BCCIP: variants seen among roughly 807,000 people sequenced by gnomAD.
BCCIP encodes BRCA2 and CDKN1A-interacting protein.
BCCIP carries 23 observed loss-of-function variants against 32.8 expected under a neutral mutation model. The ratio of observed to expected loss-of-function variants is 0.70; its 90% CI spans 0.51 to 0.99. The LOEUF (loss-of-function observed/expected upper bound fraction) is 0.99, where lower values mean the gene tolerates loss of function less well. Among genes scored for constraint, BCCIP ranks in the 50% least tolerant of loss-of-function variants. The pLI, the probability that BCCIP is intolerant of heterozygous loss-of-function variation, is 0.00. For synonymous variants in BCCIP, 144 were observed against 137.6 expected (o/e 1.05, Z -0.33); for missense variants, 378 against 379.8 (o/e 1.00, Z 0.04).
intron 7 of BCCIP, among the ~76,000 whole-genome samples, chr10:125,851,683 C>A (rs1396334796): frequency 6.6e-6 from 1 of 152,056 alleles, no homozygotes; most frequent in African/African-American, 2.4e-5. Context: ...ATATTTTGAG[C>A]TGGTTATTCT....
chr10:125,846,360 C>T (rs1205179430), downstream of BCCIP, among the ~76,000 whole-genome samples: 2 of 152,132 alleles, frequency 1.3e-5, no homozygotes, highest in Admixed American at 6.5e-5. Context: ...AAAAAAAATG[C>T]ATGGGTTTTA....
chr10:125,843,611 CAAAA>C (rs879669432), downstream of BCCIP, among the ~76,000 whole-genome samples: 2 of 132,440 alleles, frequency 1.5e-5, no homozygotes, highest in Admixed American at 1.5e-4. Context: ...GACTCCGTCT[CAAAA>C]AAAAAAAAAC....
chr10:125,843,717 C>T (rs1047583158), downstream of BCCIP, among the ~76,000 whole-genome samples: 1 of 152,190 alleles, frequency 6.6e-6, no homozygotes, highest in African/African-American at 2.4e-5. Context: ...TGGGAAATGA[C>T]TCAGGGAAGC....
At chr10:125,824,052 G>C (rs1854276884) in intron 1 of BCCIP, among the ~76,000 whole-genome samples, 1 of 152,324 alleles carries the variant, frequency 6.6e-6, no homozygotes, top group African/African-American at 2.4e-5. Context: ...CGCAGAGGGG[G>C]CCCTCTCCCC....
chr10:125,834,036 C>A, intron 6 of BCCIP, 90 bp downstream of exon 6: 1 of 1,371,088 alleles, frequency 7.3e-7, no homozygotes, highest in Non-Finnish European at 1.0e-6. Flanking sequence ...ACTTTAGGTC[C>A]AAGTCTTTCA....
chr10:125,830,365 A>G (rs1211812190), intron 3 of BCCIP, among the ~76,000 whole-genome samples, 197 bp from the exon 4 acceptor site: 1 of 152,226 alleles, frequency 6.6e-6, no homozygotes, highest in Non-Finnish European at 1.5e-5. Context: ...AGTATTTAAG[A>G]TACAATGCTT....
chr10:125,825,474 C>T (rs1441614292), intron 1 of BCCIP: 2 of 152,220 alleles, frequency 1.3e-5, no homozygotes, highest in African/African-American at 4.8e-5. Flanking sequence ...CACCCGACCC[C>T]TTGTGTTTTG....
intron 5 of BCCIP, among the ~76,000 whole-genome samples, chr10:125,832,172 C>T (rs1369766878): frequency 1.3e-5 from 2 of 151,902 alleles, no homozygotes; most frequent in Non-Finnish European, 2.9e-5. Flanking sequence ...AAAATATAGG[C>T]AGATTCTCTT....
chr10:125,828,125 G>A (rs1361913648), intron 3 of BCCIP, among the ~76,000 whole-genome samples: 1 of 152,020 alleles, frequency 6.6e-6, no homozygotes, highest in African/African-American at 2.4e-5. Flanking sequence ...GGAGAGAAGT[G>A]GGCTCATTTA....
At chr10:125,837,980 T>C (rs906150472), downstream of BCCIP, among the ~76,000 whole-genome samples, 1 of 152,216 alleles carries the variant, frequency 6.6e-6, no homozygotes, top group African/African-American at 2.4e-5. Flanking sequence ...AGACACATGG[T>C]CTTTGTTTTT....
At chr10:125,847,750 T>C (rs1564824829), downstream of BCCIP, among the ~76,000 whole-genome samples, 1 of 152,138 alleles carries the variant, frequency 6.6e-6, no homozygotes, top group Non-Finnish European at 1.5e-5. Context: ...TTCCTGTAAC[T>C]AGACGGTCCC....
At chr10:125,840,416 T>A (rs1262038067), downstream of BCCIP, among the ~76,000 whole-genome samples, 1 of 152,234 alleles carries the variant, frequency 6.6e-6, no homozygotes, top group African/African-American at 2.4e-5. Flanking sequence ...TCTGCACTAG[T>A]ATCTGGAGCT....
intron 5 of BCCIP, among the ~76,000 whole-genome samples, chr10:125,832,729 G>C (rs1257615480): frequency 1.3e-5 from 2 of 151,978 alleles, no homozygotes; most frequent in African/African-American, 4.8e-5. Flanking sequence ...AGGAGTTCCA[G>C]GCTGCAATAT....
At chr10:125,848,321 C>T (rs948432306) in intron 7 of BCCIP, among the ~76,000 whole-genome samples, 1 of 152,148 alleles carries the variant, frequency 6.6e-6, no homozygotes, top group Non-Finnish European at 1.5e-5. Context: ...CTGGCATTTG[C>T]CTAACTCCTA....
intron 6 of BCCIP, 79 bp from the exon 7 acceptor site, chr10:125,836,025 A>G: frequency 1.5e-6 from 2 of 1,305,348 alleles, no homozygotes; most frequent in South Asian, 2.6e-5. Flanking sequence ...GCCAAACGTA[A>G]TATTCTTTGC....
chr10:125,842,674 C>A, exon 7 of BCCIP: 1 of 219,796 alleles, frequency 4.5e-6, no homozygotes, highest in Non-Finnish European at 7.7e-6. Context: ...AGTAGAGAGG[C>A]ATGAAAAGCA....
downstream of BCCIP, chr10:125,841,245 A>G (rs943401484): frequency 3.0e-5 from 49 of 1,612,602 alleles, no homozygotes; most frequent in Non-Finnish European, 3.9e-5. Context: ...TCCTGCTTCT[A>G]TTCCGGCAGG....
exon 7 of BCCIP, chr10:125,842,118 G>A (rs1854898676): frequency 2.6e-6 from 2 of 770,132 alleles, no homozygotes; most frequent in Non-Finnish European, 3.8e-6. Context: ...AAACTCAGGA[G>A]GGGAGCCCTG....
downstream of BCCIP, among the ~76,000 whole-genome samples, chr10:125,837,120 T>A (rs964062121): frequency 6.6e-6 from 1 of 152,256 alleles, no homozygotes; most frequent in African/African-American, 2.4e-5. Flanking sequence ...TAACCTTTAG[T>A]GGAAACTAGT....
Sources: allele counts gnomAD v4.1 joint callset (sites outside exome capture counted in the v4.1 genomes callset), GRCh38; gene constraint gnomAD v4.1.1; transcripts MANE v1.5; gene names NCBI Gene and HGNC (gene_info 2026-07-23, HGNC 2026-07-21).